The following DCT variants were observed in gnomAD, a reference collection of about 807,000 sequenced individuals.
DCT encodes the protein dopachrome tautomerase.
A neutral mutation model predicts 53.0 loss-of-function variants in DCT; 47 were observed. The observed-to-expected ratio is 0.89, with a 90% CI of 0.70 to 1.13. The LOEUF (loss-of-function observed/expected upper bound fraction) is 1.13. Ranked by LOEUF, DCT falls within the 50% of genes most tolerant of loss-of-function variation. The pLI is 0.00. For missense variants in DCT, 669 were observed against 637.4 expected (o/e 1.05, Z -0.53); for synonymous variants, 244 against 237.0 (o/e 1.03, Z -0.27).
the DCT span, among the ~76,000 whole-genome samples, chr13:94,542,634 G>C: frequency 6.6e-6 from 1 of 152,064 alleles, no homozygotes. Flanking sequence ...CATTTGCCTG[G>C]GGCTCAATCG....
intron 7 of DCT, among the ~76,000 whole-genome samples, chr13:94,443,126 A>G (rs1404555139): frequency 6.6e-6 from 1 of 152,198 alleles, no homozygotes; most frequent in African/African-American, 2.4e-5. Context: ...GAGGTTTTTT[A>G]TTAATCCAAT....
At chr13:94,543,422 T>C in the DCT span, among the ~76,000 whole-genome samples, 4 of 152,320 alleles carry the variant, frequency 2.6e-5, no homozygotes, top group South Asian at 4.1e-4. Flanking sequence ...GACGTGGCTA[T>C]TGGACAGCAG....
At chr13:94,450,909 T>C (rs1883037241) in intron 6 of DCT, among the ~76,000 whole-genome samples, 1 of 152,246 alleles carries the variant, frequency 6.6e-6, no homozygotes. Context: ...TGTGGTTTGT[T>C]ATTATATTCA....
At chr13:94,497,674 C>G in the DCT span, among the ~76,000 whole-genome samples, 1 of 152,078 alleles carries the variant, frequency 6.6e-6, no homozygotes, top group East Asian at 1.9e-4. Context: ...TCATCCTCAT[C>G]TTTGCATTGA....
chr13:94,469,107 G>GA, intron 1 of DCT, 62 bp from the exon 2 acceptor site: 1 of 1,377,224 alleles, frequency 7.3e-7, no homozygotes, highest in Non-Finnish European at 1.0e-6. Context: ...AGAAATTTCT[G>GA]AATTTGTACT....
the DCT span, among the ~76,000 whole-genome samples, chr13:94,522,124 C>T: frequency 2.0e-5 from 3 of 152,176 alleles, no homozygotes; most frequent in Non-Finnish European, 4.4e-5. Flanking sequence ...ATAATTAATA[C>T]TGTCAACTTG....
intron 6 of DCT, among the ~76,000 whole-genome samples, chr13:94,454,667 T>A (rs1214166893): frequency 2.0e-5 from 3 of 152,120 alleles, no homozygotes; most frequent in South Asian, 2.1e-4. Context: ...ACAAAAAAAA[T>A]TTTAATAAAT....
intron 1 of DCT, among the ~76,000 whole-genome samples, chr13:94,476,992 T>C (rs2139376569): frequency 6.6e-6 from 1 of 152,302 alleles, no homozygotes; most frequent in Non-Finnish European, 1.5e-5. Flanking sequence ...TATTGAAATT[T>C]TTGTCATGAT....
At chr13:94,509,500 T>C in the DCT span, among the ~76,000 whole-genome samples, 14 of 151,482 alleles carry the variant, frequency 9.2e-5, no homozygotes, top group Non-Finnish European at 1.3e-4. Context: ...AGCCAGTGTG[T>C]GATTTTCAGC....
At chr13:94,454,300 A>G (rs1191247130) in intron 6 of DCT, among the ~76,000 whole-genome samples, 1 of 152,206 alleles carries the variant, frequency 6.6e-6, no homozygotes, top group Non-Finnish European at 1.5e-5. Flanking sequence ...CACCAAATGT[A>G]CTTTCTAAAA....
chr13:94,457,549 A>G (rs1883490563), intron 6 of DCT, among the ~76,000 whole-genome samples: 1 of 152,230 alleles, frequency 6.6e-6, no homozygotes, highest in Non-Finnish European at 1.5e-5. Flanking sequence ...TGAGCAGACT[A>G]AGACACATTG....
In DCT at chr13:94,454,229, A is replaced by G. The variant is rs186528975; in HGVS notation, c.1179+5862T>C. Among the ~76,000 whole-genome samples the G allele has an allele frequency of 2.0e-4, 30 of 152,354 alleles. No individual in the cohort carries two copies. The East Asian group carries it at 4.8e-3, about 24-fold the overall frequency. ...GGTAGAAAACAGGCACGAGCTGTTT[A>G]GTATTAATTATGGAACCTATGGACC... On this transcript the variant is annotated intron_variant, in intron 6 of 7. Coordinates refer to ENST00000377028, the MANE Select transcript of DCT (RefSeq NM_001922.5).
intron 4 of DCT, among the ~76,000 whole-genome samples, chr13:94,464,308 G>A (rs1368910750): frequency 6.6e-6 from 1 of 152,202 alleles, no homozygotes; most frequent in Non-Finnish European, 1.5e-5. Context: ...GCAGTCTAAG[G>A]ACCTGGGACG....
Position 94,479,287 on chromosome 13 carries a change from CTT to C in DCT, c.-34_-33del. 6.7e-6 allele frequency: 10 copies of C among 1,490,666 alleles called. No homozygotes were observed. Among genetic ancestry groups the C allele is most frequent in the Non-Finnish European group, 8.1e-6 (9 of 1,107,730 alleles). The allele number at this position is 1,490,666 out of a possible 1,614,324, so 92.3% of individuals were successfully genotyped here. On this transcript the variant is annotated 5_prime_UTR_variant, in exon 1 of 8. Coordinates refer to ENST00000377028, the MANE Select transcript of DCT (RefSeq NM_001922.5). ...ATAATTGGGAGAGCTCTCTCTCTCT[CTT>C]ACTTTCCTTGTCTCTGTCGTACTTT...
chr13:94,467,135 T>C (rs1413598157), intron 2 of DCT: 1 of 152,392 alleles, frequency 6.6e-6, no homozygotes, highest in Non-Finnish European at 1.5e-5. Flanking sequence ...GCAGTATTTA[T>C]GTAACCAAAA....
chr13:94,445,559 G>T, intron 6 of DCT: 1 of 616,606 alleles, frequency 1.6e-6, no homozygotes, highest in East Asian at 2.8e-5. Flanking sequence ...GAACTGCCTA[G>T]TCAAGCCCTT....
At chr13:94,516,688 C>A in the DCT span, among the ~76,000 whole-genome samples, 3 of 151,992 alleles carry the variant, frequency 2.0e-5, no homozygotes, top group African/African-American at 4.8e-5. Flanking sequence ...AGACTGGTGG[C>A]TTTATTAGAA....
intron 6 of DCT, among the ~76,000 whole-genome samples, chr13:94,459,662 A>C (rs1252131527): frequency 2.6e-5 from 4 of 152,146 alleles, no homozygotes; most frequent in African/African-American, 9.7e-5. Flanking sequence ...AGCTCACTCA[A>C]GTTGGAGTAG....
the DCT span, among the ~76,000 whole-genome samples, chr13:94,495,461 C>T: frequency 1.3e-5 from 2 of 152,136 alleles, no homozygotes; most frequent in Non-Finnish European, 1.5e-5. Context: ...AGAATGTACC[C>T]ACTTCTACTC....
Sources: gnomAD v4.1 joint callset for allele counts (sites outside exome capture counted in the v4.1 genomes callset) on GRCh38, gnomAD v4.1.1 for gene constraint, MANE v1.5 for transcripts, NCBI Gene and HGNC (gene_info 2026-07-23, HGNC 2026-07-21) for gene names.